Variants in AFF3 observed in about 807,000 individuals in gnomAD.
AFF3 encodes AF4/FMR2 family member 3.
AFF3 carries 32 observed loss-of-function variants against 129.7 expected under a neutral mutation model. The observed-to-expected ratio is 0.25, with a 90% CI of 0.19 to 0.33. AFF3 has a LOEUF of 0.33. Ranked by LOEUF, AFF3 falls within the 10% of genes least tolerant of loss-of-function variation. The pLI is 1.00. For missense variants in AFF3, 1,373 were observed against 1,592.0 expected (o/e 0.86, Z 2.34); for synonymous variants, 644 against 635.4 (o/e 1.01, Z -0.20).
intron 10 of AFF3, among the ~76,000 whole-genome samples, chr2:99,741,492 C>T (rs1279535804): frequency 6.6e-6 from 1 of 152,082 alleles, no homozygotes; most frequent in Non-Finnish European, 1.5e-5. Flanking sequence ...GAATAAAATA[C>T]CTAGGAATCC....
intron 7 of AFF3, among the ~76,000 whole-genome samples, chr2:99,890,393 A>G (rs1048691869): frequency 1.3e-5 from 2 of 152,218 alleles, no homozygotes; most frequent in African/African-American, 4.8e-5. Flanking sequence ...TTTGGTATTC[A>G]CTTCAACTGA....
intron 7 of AFF3, among the ~76,000 whole-genome samples, chr2:99,904,720 C>T (rs1207279531): frequency 6.6e-6 from 1 of 152,158 alleles, no homozygotes; most frequent in Non-Finnish European, 1.5e-5. Context: ...CCCCAGACAA[C>T]CCAGGAGTCC....
intron 8 of AFF3, among the ~76,000 whole-genome samples, chr2:99,773,302 A>C (rs934982842): frequency 4.6e-5 from 7 of 152,220 alleles, no homozygotes; most frequent in African/African-American, 1.7e-4. Flanking sequence ...GGTGCTCATT[A>C]AAGAATTACA....
At chr2:99,631,535 A>G (rs1412190540) in intron 13 of AFF3, among the ~76,000 whole-genome samples, 2 of 152,092 alleles carry the variant, frequency 1.3e-5, no homozygotes, top group African/African-American at 4.8e-5. Context: ...CCTGGCAACA[A>G]CCATTCTACC....
intron 4 of AFF3, among the ~76,000 whole-genome samples, chr2:100,020,166 G>A (rs910589120): frequency 1.3e-5 from 2 of 151,932 alleles, no homozygotes; most frequent in African/African-American, 2.4e-5. Flanking sequence ...TCCTCATGGG[G>A]CAATCCGTGG....
rs886995133 is a variant in AFF3, at chr2:99,994,121, T to A, written c.873+12511A>T. Reference sequence around the variant, plus strand: ...GCTCCCAGCCAAACTTAATCTTTTTTAAAAAAAAATTCCCTGAGCTAGAAC... The same window carrying A: ...GCTCCCAGCCAAACTTAATCTTTTTAAAAAAAAAATTCCCTGAGCTAGAAC... On this transcript the variant is annotated intron_variant, in intron 7 of 24. Transcript: ENST00000672756. Among the ~76,000 whole-genome samples, 74 of 151,408 alleles carry A rather than the reference T, an allele frequency of 4.9e-4. 1 individual carries two copies. Among genetic ancestry groups the A allele is most frequent in the Non-Finnish European group, 8.7e-4 (59 of 67,886 alleles).
chr2:100,071,872 T>C (rs1688214602), intron 4 of AFF3, among the ~76,000 whole-genome samples: 1 of 152,208 alleles, frequency 6.6e-6, no homozygotes. Context: ...AGGCACGTAC[T>C]GTACAGCATA....
chr2:99,778,635 CTTTT>C (rs557379918), intron 8 of AFF3, among the ~76,000 whole-genome samples: 150 of 152,218 alleles, frequency 9.9e-4, no homozygotes, highest in Middle Eastern at 6.8e-3. Context: ...CATTTTTCTA[CTTTT>C]TTAAGTTTTA....
At chr2:100,085,275 T>C (rs1294092647) in intron 4 of AFF3, among the ~76,000 whole-genome samples, 7 of 142,770 alleles carry the variant, frequency 4.9e-5, no homozygotes, top group Non-Finnish European at 9.1e-5. Flanking sequence ...CAAAATCTCC[T>C]ACAGCCCCTT....
At chr2:99,867,917 C>T (rs577761318) in intron 7 of AFF3, among the ~76,000 whole-genome samples, 2 of 152,346 alleles carry the variant, frequency 1.3e-5, no homozygotes, top group South Asian at 2.1e-4. Context: ...AGGCTAATCA[C>T]GCCCCTGGGC....
At chr2:99,814,281 C>T (rs1687038631) in intron 8 of AFF3, among the ~76,000 whole-genome samples, 1 of 151,622 alleles carries the variant, frequency 6.6e-6, no homozygotes, top group Admixed American at 6.6e-5. Context: ...TATATTTGTT[C>T]TGGGGGCTTG....
intron 8 of AFF3, among the ~76,000 whole-genome samples, chr2:99,808,475 T>C (rs1001989775): frequency 6.6e-6 from 1 of 152,222 alleles, no homozygotes; most frequent in African/African-American, 2.4e-5. Context: ...TGTCTCTGTA[T>C]GAAAATACAG....
At chr2:99,781,429 C>G (rs780626469) in intron 8 of AFF3, among the ~76,000 whole-genome samples, 1 of 152,204 alleles carries the variant, frequency 6.6e-6, no homozygotes, top group Non-Finnish European at 1.5e-5. Context: ...GAATAGGAAA[C>G]CTTCTCTGTT....
intron 7 of AFF3, among the ~76,000 whole-genome samples, chr2:99,906,083 T>G (rs905616233): frequency 2.0e-5 from 3 of 152,216 alleles, no homozygotes; most frequent in African/African-American, 7.2e-5. Flanking sequence ...TCCAGCCAGC[T>G]GATTTTTAGG....
At chr2:100,080,714 C>T (rs868189649) in intron 4 of AFF3, among the ~76,000 whole-genome samples, 1 of 152,194 alleles carries the variant, frequency 6.6e-6, no homozygotes, top group South Asian at 2.1e-4. Flanking sequence ...ATGTTGCCCC[C>T]ACCCCCGGCC....
chr2:99,624,848 C>T, intron 13 of AFF3, among the ~76,000 whole-genome samples: 1 of 152,212 alleles, frequency 6.6e-6, no homozygotes, highest in East Asian at 1.9e-4. Flanking sequence ...TGTCTGCCCT[C>T]CGGAGACGAA....
chr2:100,084,353 C>T (rs2666324), intron 4 of AFF3, among the ~76,000 whole-genome samples: 2 of 152,224 alleles, frequency 1.3e-5, no homozygotes, highest in East Asian at 1.9e-4. Flanking sequence ...CTTTGAGGTA[C>T]GTATTATTCT....
At chr2:99,837,613 A>C in intron 7 of AFF3, 89 bp from the exon 8 acceptor site, 1 of 1,204,550 alleles carries the variant, frequency 8.3e-7, no homozygotes, top group Non-Finnish European at 1.2e-6. Flanking sequence ...GTCCCCCCCA[A>C]CAAAAAAATT....
In AFF3 at chr2:99,642,743, C is replaced by G. The variant is rs141804149; in HGVS notation, c.1184+6883G>C. Among the ~76,000 whole-genome samples, 890 of 152,332 alleles carry G rather than the reference C, an allele frequency of 5.8e-3. 7 individuals are homozygous for G. The highest frequency in any genetic ancestry group is 0.02 in the African/African-American group (846 of 41,578). On this transcript the variant is annotated intron_variant, in intron 13 of 24. Coordinates refer to ENST00000672756, the MANE Select transcript of AFF3 (RefSeq NM_001386135.1). ...CTTGATGGGAGGCAAGAGAATCATACTGACCAGGAGTCCAGGGACCTGGGA... is the reference window on the plus strand; with the variant it reads ...CTTGATGGGAGGCAAGAGAATCATAGTGACCAGGAGTCCAGGGACCTGGGA...
Sources: allele counts gnomAD v4.1 joint callset (sites outside exome capture counted in the v4.1 genomes callset), GRCh38; gene constraint gnomAD v4.1.1; transcripts MANE v1.5; gene names NCBI Gene and HGNC (gene_info 2026-07-23, HGNC 2026-07-21).